Variants in WWC2 observed in about 807,000 individuals in gnomAD.
The protein encoded by WWC2 is WW and C2 domain containing 2.
A neutral mutation model predicts 138.5 loss-of-function variants in WWC2; 101 were observed. The ratio of observed to expected loss-of-function variants is 0.73; its 90% CI spans 0.62 to 0.86. The LOEUF (loss-of-function observed/expected upper bound fraction) is 0.86, where lower values mean the gene tolerates loss of function less well. Among genes scored for constraint, WWC2 ranks in the 40% least tolerant of loss-of-function variants. The pLI, the probability that WWC2 is intolerant of heterozygous loss-of-function variation, is 0.00. For synonymous variants in WWC2, 558 were observed against 538.4 expected (o/e 1.04, Z -0.50); for missense variants, 1,420 against 1,419.4 (o/e 1.00, Z -0.01).
chr4:183,134,326 T>A (rs1379785017), intron 1 of WWC2, among the ~76,000 whole-genome samples: 1 of 152,054 alleles, frequency 6.6e-6, no homozygotes, highest in Non-Finnish European at 1.5e-5. Context: ...TTACTATTTT[T>A]TTTTTTTGAA....
intron 1 of WWC2, among the ~76,000 whole-genome samples, chr4:183,114,999 T>C (rs1045124612): frequency 6.6e-6 from 1 of 152,078 alleles, no homozygotes; most frequent in Non-Finnish European, 1.5e-5. Context: ...TCCCCATAGG[T>C]AGTTTTTTGA....
chr4:183,183,009 A>G (rs933610174), intron 1 of WWC2, among the ~76,000 whole-genome samples: 15 of 152,190 alleles, frequency 9.9e-5, no homozygotes, highest in African/African-American at 3.6e-4. Flanking sequence ...GGCATTAGGC[A>G]TTGTGCTAGA....
At position 183,311,578 on chromosome 4, in the gene WWC2, GTTTTT is replaced by G. The variant is rs33921495; in HGVS notation, c.3385-748_3385-744del. 5.2e-5 allele frequency among the ~76,000 whole-genome samples: 6 copies of G among 115,306 alleles called. No homozygotes were observed. In the East Asian group the frequency reaches 1.2e-3, roughly 23 times the overall value. 75.6% of individuals were successfully genotyped at this position (115,306 alleles called of 152,430 possible). On this transcript the variant is annotated intron_variant, in intron 21 of 22. Coordinates refer to ENST00000403733, the MANE Select transcript of WWC2 (RefSeq NM_024949.6). ...TTGAGCTATACACGTATGTGTGCAGGTTTTTTTTTTTTTTTTTTTGAGACGGAGTC... is the reference window on the plus strand; with the variant it reads ...TTGAGCTATACACGTATGTGTGCAGGTTTTTTTTTTTTTTGAGACGGAGTC...
In WWC2 at chr4:183,259,638, G is replaced by C. The variant is rs780094988; in HGVS notation, c.1197-1G>C. The C allele has an allele frequency of 2.6e-6, 4 of 1,519,210 alleles. No individual in the cohort carries two copies. The South Asian group carries it at 5.2e-5, about 20-fold the overall frequency. The allele number at this position is 1,519,210 out of a possible 1,614,324, so 94.1% of individuals were successfully genotyped here. A position where few individuals can be genotyped will look rare whatever the true frequency, so the allele number is the denominator to read the frequency against. The stretch of plus-strand genomic sequence containing the variant: ...TTGAAAATAATTTTTTTTCTTCCTA[G>C]ATTGAGATTGGAAGAGAGAAGAAAA... On this transcript the variant is annotated splice_acceptor_variant, in intron 9 of 22. Coordinates refer to ENST00000403733, the MANE Select transcript of WWC2 (RefSeq NM_024949.6). LOFTEE classifies it high-confidence loss of function.
rs557143910 is a variant in WWC2, at chr4:183,250,208, A to C, written c.953+215A>C. On this transcript the variant is annotated intron_variant, in intron 8 of 22. Transcript: ENST00000403733. ...CACCAAAAGCTAAAGAACAGGGAGAATTAGTGAGAAGTATACAAATGAACT... is the reference window on the plus strand; with the variant it reads ...CACCAAAAGCTAAAGAACAGGGAGACTTAGTGAGAAGTATACAAATGAACT... Among the ~76,000 whole-genome samples the C allele has an allele frequency of 6.7e-5, 10 of 149,246 alleles. 1 individual carries two copies. The South Asian group carries it at 2.2e-3, about 33-fold the overall frequency.
At chr4:183,259,842 G>A (rs757675122) in intron 10 of WWC2, 114 bp downstream of exon 10, 3 of 777,292 alleles carry the variant, frequency 3.9e-6, no homozygotes, top group Admixed American at 2.8e-5. Flanking sequence ...CATTATAGTA[G>A]CACAGTTACT....
chr4:183,132,673 T>G (rs1270654613), intron 1 of WWC2, among the ~76,000 whole-genome samples: 1 of 152,118 alleles, frequency 6.6e-6, no homozygotes, highest in Non-Finnish European at 1.5e-5. Flanking sequence ...CAGGATGGTC[T>G]CGATCTCCTG....
intron 21 of WWC2, among the ~76,000 whole-genome samples, chr4:183,306,133 A>G (rs1200117064): frequency 6.6e-6 from 1 of 152,222 alleles, no homozygotes; most frequent in African/African-American, 2.4e-5. Flanking sequence ...TATAAATGAC[A>G]TGCTAAGAAA....
At chr4:183,196,040 G>GT (rs565682484) in intron 2 of WWC2, among the ~76,000 whole-genome samples, 172 of 152,148 alleles carry the variant, frequency 1.1e-3, no homozygotes, top group Non-Finnish European at 1.9e-3. Context: ...CTGTTTGAAG[G>GT]TGTGAAGCAT....
At chr4:183,211,080 C>G (rs375225116) in intron 4 of WWC2, among the ~76,000 whole-genome samples, 1 of 152,170 alleles carries the variant, frequency 6.6e-6, no homozygotes, top group Non-Finnish European at 1.5e-5. Context: ...TTTCTAACTT[C>G]CTTTATGATT....
intron 1 of WWC2, among the ~76,000 whole-genome samples, chr4:183,141,612 T>C (rs1279948040): frequency 1.3e-5 from 2 of 152,186 alleles, no homozygotes; most frequent in African/African-American, 4.8e-5. Context: ...GTGGCTAGAT[T>C]CACCTTTGTA....
chr4:183,116,200 GT>G (rs753993127), intron 1 of WWC2, among the ~76,000 whole-genome samples: 1 of 152,096 alleles, frequency 6.6e-6, no homozygotes, highest in East Asian at 1.9e-4. Flanking sequence ...TGGTGTGTGT[GT>G]CTGTTTTTGC....
intron 16 of WWC2, among the ~76,000 whole-genome samples, chr4:183,271,465 CTT>C (rs1294251425): frequency 6.6e-6 from 1 of 152,138 alleles, no homozygotes; most frequent in Admixed American, 6.6e-5. Context: ...AAGGAGCACT[CTT>C]TTCTGCTCAC....
chr4:183,116,326 G>A (rs532410086), intron 1 of WWC2, among the ~76,000 whole-genome samples: 35 of 152,298 alleles, frequency 2.3e-4, no homozygotes, highest in Middle Eastern at 3.4e-3. Context: ...AGCTTCATGA[G>A]GGCAGGTATT....
chr4:183,291,963 A>G (rs575864177), intron 21 of WWC2, among the ~76,000 whole-genome samples: 1 of 152,162 alleles, frequency 6.6e-6, no homozygotes, highest in East Asian at 1.9e-4. Flanking sequence ...AGGTGGGAGA[A>G]TCACTTGACC....
intron 15 of WWC2, among the ~76,000 whole-genome samples, chr4:183,270,503 C>A (rs1285208101): frequency 6.6e-6 from 1 of 151,992 alleles, no homozygotes; most frequent in Non-Finnish European, 1.5e-5. Context: ...GTGGGTCATG[C>A]CTGTAATCCT....
At chr4:183,168,926 A>G (rs959915285) in intron 1 of WWC2, among the ~76,000 whole-genome samples, 4 of 151,768 alleles carry the variant, frequency 2.6e-5, no homozygotes, top group African/African-American at 9.7e-5. Context: ...TCGGCTCGCC[A>G]CAACCTCTGC....
intron 1 of WWC2, among the ~76,000 whole-genome samples, chr4:183,122,817 C>T (rs1732642660): frequency 6.6e-6 from 1 of 151,966 alleles, no homozygotes; most frequent in African/African-American, 2.4e-5. Context: ...CCGTGCCTGG[C>T]CAAGATCTGT....
chr4:183,240,814 C>T (rs1736594010), intron 5 of WWC2, among the ~76,000 whole-genome samples: 1 of 152,216 alleles, frequency 6.6e-6, no homozygotes, highest in Admixed American at 6.5e-5. Context: ...GTTCCTCTAC[C>T]TTTCCCGTTT....
Sources: allele counts gnomAD v4.1 joint callset (sites outside exome capture counted in the v4.1 genomes callset), GRCh38; gene constraint gnomAD v4.1.1; transcripts MANE v1.5; gene names NCBI Gene and HGNC (gene_info 2026-07-23, HGNC 2026-07-21).